MYO16: variants seen among roughly 807,000 people sequenced by gnomAD.
MYO16 encodes myosin XVI, also known as unconventional myosin-XVI.
MYO16 carries 94 observed loss-of-function variants against 205.3 expected under a neutral mutation model. The ratio of observed to expected loss-of-function variants is 0.46; its 90% CI spans 0.39 to 0.54. The LOEUF (loss-of-function observed/expected upper bound fraction) is 0.54, where lower values mean the gene tolerates loss of function less well. Ranked by LOEUF, MYO16 falls within the 20% of genes least tolerant of loss-of-function variation. The pLI is 0.00. For missense variants in MYO16, 2,315 were observed against 2,387.5 expected (o/e 0.97, Z 0.63); for synonymous variants, 988 against 954.0 (o/e 1.04, Z -0.66).
chr13:109,020,467 A>C (rs1376430939), intron 23 of MYO16, among the ~76,000 whole-genome samples: 1 of 149,950 alleles, frequency 6.7e-6, no homozygotes. Context: ...AGCTGATCAT[A>C]ATTTTTTTCC....
intron 27 of MYO16, among the ~76,000 whole-genome samples, chr13:109,084,387 G>A (rs1888374725): frequency 6.6e-6 from 1 of 152,042 alleles, no homozygotes; most frequent in South Asian, 2.1e-4. Flanking sequence ...CCTCAGAGAT[G>A]GTGACCAGGT....
intron 24 of MYO16, among the ~76,000 whole-genome samples, chr13:109,049,723 T>C (rs1887176735): frequency 6.6e-6 from 1 of 152,182 alleles, no homozygotes; most frequent in African/African-American, 2.4e-5. Flanking sequence ...TAAATAATTA[T>C]TTAAGTTGGC....
intron 20 of MYO16, among the ~76,000 whole-genome samples, chr13:108,980,325 T>C (rs753301102): frequency 2.6e-5 from 4 of 152,234 alleles, no homozygotes; most frequent in African/African-American, 4.8e-5. Flanking sequence ...TTCATTGCAC[T>C]GTTAGCTATT....
In MYO16 at chr13:108,939,313, C is replaced by T. The variant is rs147442184; in HGVS notation, c.1926-18375C>T. Among the ~76,000 whole-genome samples, 495 of 152,316 alleles carry T rather than the reference C, an allele frequency of 3.2e-3. 3 individuals are homozygous for T. The highest frequency in any genetic ancestry group is 5.9e-3 in the Non-Finnish European group (400 of 68,018). Reference sequence around the variant, plus strand: ...GGGCTTGGGAAAAACAAAGTGCTCTCCCTCTGCCAGGGTTGCTGGGGTCCC... The same window carrying T: ...GGGCTTGGGAAAAACAAAGTGCTCTTCCTCTGCCAGGGTTGCTGGGGTCCC... On this transcript the variant is annotated intron_variant, in intron 16 of 34. Coordinates refer to ENST00000457511, the MANE Select transcript of MYO16 (RefSeq NM_001198950.3).
chr13:109,027,888 T>C (rs184481324), intron 23 of MYO16, among the ~76,000 whole-genome samples: 1 of 152,296 alleles, frequency 6.6e-6, no homozygotes, highest in Admixed American at 6.5e-5. Flanking sequence ...GCAGGAGTTA[T>C]CGAGTCAACT....
chr13:108,613,505 A>G (rs765127628), intron 1 of MYO16, among the ~76,000 whole-genome samples: 3 of 152,106 alleles, frequency 2.0e-5, no homozygotes, highest in Non-Finnish European at 2.9e-5. Context: ...ACACTTCCCA[A>G]TCACTCTATG....
intron 34 of MYO16, among the ~76,000 whole-genome samples, chr13:109,205,043 T>C (rs1439349714): frequency 1.1e-5 from 1 of 93,800 alleles, no homozygotes; most frequent in African/African-American, 7.2e-5. Context: ...GATGCAGCCC[T>C]AAAGAATAAA....
At chr13:109,173,622 G>A (rs1351655164) in intron 33 of MYO16, among the ~76,000 whole-genome samples, 4 of 152,186 alleles carry the variant, frequency 2.6e-5, no homozygotes, top group East Asian at 1.9e-4. Flanking sequence ...TCGGCCGGGC[G>A]CGGTGGCTCA....
chr13:108,885,679 T>C (rs1027146560), intron 13 of MYO16, among the ~76,000 whole-genome samples: 1 of 152,228 alleles, frequency 6.6e-6, no homozygotes, highest in Non-Finnish European at 1.5e-5. Context: ...ATTATTTCTA[T>C]GTATTATTTA....
intron 2 of MYO16, among the ~76,000 whole-genome samples, chr13:108,697,650 T>C (rs1883140887): frequency 6.6e-6 from 1 of 152,240 alleles, no homozygotes; most frequent in African/African-American, 2.4e-5. Context: ...ATTTTACTTT[T>C]AGTGTCTGAT....
At chr13:108,689,903 T>A (rs753951476) in intron 2 of MYO16, among the ~76,000 whole-genome samples, 1 of 152,204 alleles carries the variant, frequency 6.6e-6, no homozygotes, top group Non-Finnish European at 1.5e-5. Context: ...CAATTTGTAG[T>A]GGGAACTGTA....
At chr13:109,177,517 A>ATTAT (rs1555338943) in intron 33 of MYO16, among the ~76,000 whole-genome samples, 6 of 151,084 alleles carry the variant, frequency 4.0e-5, no homozygotes, top group Non-Finnish European at 5.9e-5. Flanking sequence ...TTATTTATTT[A>ATTAT]TTATTTATTT....
Position 108,605,343 on chromosome 13 carries a change from C to A in MYO16, c.-39+9104C>A, listed in dbSNP as rs137946533. Among the ~76,000 whole-genome samples, 513 of 152,176 alleles carry A rather than the reference C, an allele frequency of 3.4e-3. 4 individuals are homozygous for A. The highest frequency in any genetic ancestry group is 0.011 in the African/African-American group (476 of 41,550). On this transcript the variant is annotated intron_variant, in intron 1 of 24. Transcript: ENST00000251041. ...TGATTTGCTCCATGTGAAAAAAAATCCCTTCCAATGTCCAAGTATCCTGCA... is the reference window on the plus strand; with the variant it reads ...TGATTTGCTCCATGTGAAAAAAAATACCTTCCAATGTCCAAGTATCCTGCA...
chr13:108,800,312 C>G (rs1203375360), intron 6 of MYO16, among the ~76,000 whole-genome samples: 3 of 152,200 alleles, frequency 2.0e-5, no homozygotes, highest in Non-Finnish European at 2.9e-5. Flanking sequence ...TCTCTACAGC[C>G]TCTCTTTGCC....
At chr13:108,922,173 C>T (rs556382545) in intron 16 of MYO16, among the ~76,000 whole-genome samples, 5 of 152,116 alleles carry the variant, frequency 3.3e-5, no homozygotes, top group Admixed American at 2.6e-4. Flanking sequence ...TGAGGAATTA[C>T]GAATTTAAAT....
At chr13:109,136,055 CTCCTTCCTTCCTTCCTTCCTTCTT>C (rs1566525258) in intron 31 of MYO16, among the ~76,000 whole-genome samples, 6 of 150,870 alleles carry the variant, frequency 4.0e-5, no homozygotes, top group South Asian at 2.1e-4. Context: ...TTCTTTCTTT[CTCCTTCCTTCCTTCCTTCCTTCTT>C]TCCTTCCTTC....
At chr13:108,930,864 G>A (rs556303946) in intron 16 of MYO16, among the ~76,000 whole-genome samples, 1 of 152,240 alleles carries the variant, frequency 6.6e-6, no homozygotes, top group African/African-American at 2.4e-5. Flanking sequence ...AGTAAAGTTT[G>A]AGTTATAAAG....
intron 4 of MYO16, among the ~76,000 whole-genome samples, chr13:108,735,083 T>G (rs886602481): frequency 8.5e-5 from 13 of 152,182 alleles, no homozygotes; most frequent in African/African-American, 3.1e-4. Context: ...CCAAGATGTA[T>G]AGAGAGAGAA....
chr13:109,100,073 CT>C (rs1378702097), intron 27 of MYO16, among the ~76,000 whole-genome samples: 22 of 152,198 alleles, frequency 1.4e-4, no homozygotes, highest in Non-Finnish European at 2.6e-4. Flanking sequence ...CTTCCTCCTC[CT>C]CCATTGCAAC....
Sources: allele counts gnomAD v4.1 joint callset (sites outside exome capture counted in the v4.1 genomes callset), GRCh38; gene constraint gnomAD v4.1.1; transcripts MANE v1.5; gene names NCBI Gene and HGNC (gene_info 2026-07-23, HGNC 2026-07-21).